KCNK18: variants seen among roughly 807,000 people sequenced by gnomAD.
KCNK18 encodes the protein potassium two pore domain channel subfamily K member 18.
In KCNK18, 8 loss-of-function variants were observed where a neutral mutation model predicts 11.8. The observed-to-expected ratio is 0.68, with a 90% confidence interval of 0.40 to 1.22. The LOEUF (loss-of-function observed/expected upper bound fraction) is 1.22, where lower values mean the gene tolerates loss of function less well. Ranked by LOEUF, KCNK18 falls within the 50% of genes most tolerant of loss-of-function variation. The pLI is 0.01. For synonymous variants in KCNK18, 208 were observed against 185.8 expected, an observed-to-expected ratio of 1.12 and a Z score of -0.97; for missense variants, 442 against 465.4, an observed-to-expected ratio of 0.95 and a Z score of 0.46.
intron 1 of KCNK18, among the ~76,000 whole-genome samples, chr10:117,200,612 C>T (rs981080771): frequency 2.6e-5 from 4 of 152,164 alleles, no homozygotes; most frequent in African/African-American, 9.6e-5. Context: ...TTGAGACCAT[C>T]CTGGCCAATG....
Position 117,209,680 on chromosome 10 carries a change from AG to A in KCNK18, c.537del (p.Lys179AsnfsTer56). ...TTCTTTACCCGCCCCCTCCTCTCCA[AG>A]TGGTGCCCCAAATCTCTCTTCAAGA... The part of the protein sequence containing the change: ...FPFFTRPLLS[K>X]WCPKSLFKKK... On this transcript the variant is annotated frameshift_variant, in exon 3 of 3. Transcript: ENST00000334549. LOFTEE classifies it low-confidence loss of function (END_TRUNC). The A allele has an allele frequency of 6.2e-7, 1 of 1,614,042 alleles. No homozygotes were observed. Among genetic ancestry groups the A allele is most frequent in the Non-Finnish European group, 8.5e-7 (1 of 1,180,010 alleles).
chr10:117,199,544 TAC>T (rs1854989650), intron 1 of KCNK18, among the ~76,000 whole-genome samples: 1 of 152,224 alleles, frequency 6.6e-6, no homozygotes, highest in Non-Finnish European at 1.5e-5. Context: ...GTCCTTCTTT[TAC>T]AGATTAGGAA....
chr10:117,206,938 T>C (rs1383693544), intron 2 of KCNK18, among the ~76,000 whole-genome samples: 3 of 152,134 alleles, frequency 2.0e-5, no homozygotes, highest in African/African-American at 7.2e-5. Context: ...TCCTCTCTCT[T>C]CACCTGGCTA....
At position 117,209,877 on chromosome 10, in the gene KCNK18, C is replaced by G; in HGVS notation, c.733C>G (p.Gln245Glu). The G allele has an allele frequency of 6.2e-7, 1 of 1,614,234 alleles. No homozygotes were observed. The highest frequency in any genetic ancestry group is 8.5e-7 in the Non-Finnish European group (1 of 1,180,044). The change falls in exon 3 of 3, where the codon CAA (glutamine) becomes GAA (glutamate). Residue 245 changes from glutamine (Q) to glutamate (E), a missense_variant. Coordinates refer to ENST00000334549, the MANE Select transcript of KCNK18 (RefSeq NM_181840.1). ...ACAGAACACACTGCAACTGCCCCCA[C>G]AAGCCATGGAGAGGAGTAACTCGTG... ...EKQNTLQLPP[Q>E]AMERSNSCPE...
At chr10:117,197,947 C>A (rs143894957) in intron 1 of KCNK18, among the ~76,000 whole-genome samples, 35 of 152,262 alleles carry the variant, frequency 2.3e-4, no homozygotes, top group African/African-American at 6.7e-4. Context: ...GCCCTGAGCA[C>A]CCTGAGGTGC....
intron 1 of KCNK18, among the ~76,000 whole-genome samples, chr10:117,200,236 C>A (rs1165230492): frequency 6.6e-6 from 1 of 152,086 alleles, no homozygotes; most frequent in South Asian, 2.1e-4. Context: ...TGCCACCACA[C>A]CCGGCTAATT....
intron 1 of KCNK18, among the ~76,000 whole-genome samples, chr10:117,199,852 C>T (rs17095821): frequency 0.067 from 10,170 of 152,198 alleles, 555 homozygotes; most frequent in Admixed American, 0.16. Flanking sequence ...CTCTTAAAGC[C>T]GAACAAGTCT....
intron 2 of KCNK18, among the ~76,000 whole-genome samples, chr10:117,203,465 G>A (rs1855038837): frequency 6.6e-6 from 1 of 152,164 alleles, no homozygotes; most frequent in African/African-American, 2.4e-5. Flanking sequence ...GAAACAATAG[G>A]CCCAGGAGAG....
chr10:117,199,546 C>T (rs558156532), intron 1 of KCNK18, among the ~76,000 whole-genome samples: 1 of 152,298 alleles, frequency 6.6e-6, no homozygotes, highest in African/African-American at 2.4e-5. Flanking sequence ...CCTTCTTTTA[C>T]AGATTAGGAA....
At chr10:117,203,908 T>C (rs1171025001) in intron 2 of KCNK18, among the ~76,000 whole-genome samples, 2 of 152,224 alleles carry the variant, frequency 1.3e-5, no homozygotes, top group East Asian at 3.8e-4. Flanking sequence ...CTTGAACTAC[T>C]GACTTCAGGT....
At chr10:117,202,018 C>T (rs954989041) in intron 2 of KCNK18, among the ~76,000 whole-genome samples, 24 of 152,244 alleles carry the variant, frequency 1.6e-4, no homozygotes, top group African/African-American at 5.5e-4. Flanking sequence ...AGGGCCAGAG[C>T]TCTTGGGTCA....
intron 2 of KCNK18, among the ~76,000 whole-genome samples, chr10:117,201,987 G>A (rs982084377): frequency 2.0e-5 from 3 of 152,232 alleles, no homozygotes; most frequent in African/African-American, 4.8e-5. Flanking sequence ...CACAGGAGGC[G>A]ATGGAGCTGC....
In KCNK18 at chr10:117,210,134, T is replaced by C. The variant is rs752031342; in HGVS notation, c.990T>C (p.Val330=). ...CCACCATTGGGTTTGGGGATACTGT[T>C]TTAGAACACCCTAACTTCTTCCTGT... ...TLTTIGFGDT[V]LEHPNFFLFF... Residue 330 remains valine, a synonymous_variant, in exon 3 of 3, where the codon GTT becomes GTC. Coordinates refer to ENST00000334549, the MANE Select transcript of KCNK18 (RefSeq NM_181840.1). The C allele has an allele frequency of 6.2e-7, 1 of 1,614,236 alleles. No individual in the cohort carries two copies. Among genetic ancestry groups the C allele is most frequent in the East Asian group, 2.2e-5 (1 of 44,894 alleles).
At chr10:117,197,772 G>C in intron 1 of KCNK18, 61 bp downstream of exon 1, 1 of 1,449,210 alleles carries the variant, frequency 6.9e-7, no homozygotes, top group Non-Finnish European at 9.6e-7. Flanking sequence ...TCCCCCAAGA[G>C]CAGAGGGCTG....
intron 1 of KCNK18, among the ~76,000 whole-genome samples, chr10:117,199,646 G>A (rs1322841676): frequency 6.6e-6 from 1 of 152,234 alleles, no homozygotes; most frequent in Non-Finnish European, 1.5e-5. Context: ...CTGGATTCCA[G>A]AGCCTGAACC....
chr10:117,197,527 C>A lies in KCNK18; in HGVS notation c.39C>A (p.Cys13Ter). ...VSGHPQARRCCPEALGKLFPG... is the reference protein window; with the variant it reads ...VSGHPQARRC ...GGCACCCCCAGGCCAGGAGATGCTG[C>A]CCAGAGGCCCTGGGAAAGCTCTTCC... Residue 13 changes from cysteine (C) to a stop codon, truncating the protein, a stop_gained, in exon 1 of 3, where the codon TGC becomes TGA. Coordinates refer to ENST00000334549, the MANE Select transcript of KCNK18 (RefSeq NM_181840.1). LOFTEE classifies it high-confidence loss of function. 6.2e-7 allele frequency: 1 copy of A among 1,613,882 alleles called. No homozygotes were observed. The highest frequency in any genetic ancestry group is 8.5e-7 in the Non-Finnish European group (1 of 1,179,992).
intron 1 of KCNK18, among the ~76,000 whole-genome samples, chr10:117,200,919 C>G (rs560500766): frequency 6.6e-6 from 1 of 152,296 alleles, no homozygotes; most frequent in East Asian, 1.9e-4. Context: ...ATGGGCCTCT[C>G]TGTTAGGTGC....
intron 2 of KCNK18, among the ~76,000 whole-genome samples, chr10:117,205,610 C>A (rs564498725): frequency 2.0e-5 from 3 of 152,314 alleles, no homozygotes; most frequent in South Asian, 4.1e-4. Flanking sequence ...CCAGTCCCTA[C>A]AGGTCTCTCC....
At chr10:117,206,198 A>C (rs1855072643) in intron 2 of KCNK18, among the ~76,000 whole-genome samples, 1 of 152,176 alleles carries the variant, frequency 6.6e-6, no homozygotes, top group Non-Finnish European at 1.5e-5. Flanking sequence ...ACTGATTTCA[A>C]AAATGAAGGT....
Sources: allele counts gnomAD v4.1 joint callset (sites outside exome capture counted in the v4.1 genomes callset), GRCh38; gene constraint gnomAD v4.1.1; transcripts MANE v1.5; gene names NCBI Gene and HGNC (gene_info 2026-07-23, HGNC 2026-07-21).